Variants in SDK2 observed in about 807,000 individuals in gnomAD.
SDK2 encodes protein sidekick-2.
SDK2 carries 105 observed loss-of-function variants against 253.9 expected under a neutral mutation model. The ratio of observed to expected loss-of-function variants is 0.41; its 90% CI spans 0.35 to 0.49. The LOEUF (loss-of-function observed/expected upper bound fraction) is 0.49, where lower values mean the gene tolerates loss of function less well. SDK2 is among the 20% of genes least tolerant of loss of function. The pLI is 0.06. For synonymous variants in SDK2, 1,249 were observed against 1,234.9 expected, an observed-to-expected ratio of 1.01 and a Z score of -0.24; for missense variants, 2,608 against 3,003.0, an observed-to-expected ratio of 0.87 and a Z score of 3.07.
chr17:73,372,878 C>A (rs1333768642), intron 36 of SDK2, among the ~76,000 whole-genome samples: 1 of 152,198 alleles, frequency 6.6e-6, no homozygotes, highest in African/African-American at 2.4e-5. Flanking sequence ...TTAACATGTT[C>A]ATCATCTTTT....
intron 1 of SDK2, among the ~76,000 whole-genome samples, chr17:73,524,182 C>T (rs894570930): frequency 1.3e-5 from 2 of 152,148 alleles, no homozygotes; most frequent in Non-Finnish European, 2.9e-5. Flanking sequence ...GGCCTGAGCT[C>T]AGCTAATGGT....
rs2063980864 is a variant in SDK2, at chr17:73,511,573, G to A, written c.65-3976C>T. ...GAGGGAAGGGGAGGCCTTTCCCTGA[G>A]AGCCTGCTGGGTACCAGGCCCTGGG... is the stretch of plus-strand genomic sequence containing the variant. On this transcript the variant is annotated intron_variant, in intron 1 of 44. Coordinates refer to ENST00000392650, the MANE Select transcript of SDK2 (RefSeq NM_001144952.2). This position sits in a 1 kb window ranked among gnomAD's most constrained non-coding sequence, Gnocchi z 4.9. Among the ~76,000 whole-genome samples, 2 of 152,154 alleles carry A rather than the reference G, an allele frequency of 1.3e-5. No homozygotes were observed. Among genetic ancestry groups the A allele is most frequent in the Non-Finnish European group, 2.9e-5 (2 of 68,026 alleles).
At chr17:73,620,488 A>G (rs982813666) in intron 1 of SDK2, among the ~76,000 whole-genome samples, 2 of 152,370 alleles carry the variant, frequency 1.3e-5, no homozygotes, top group South Asian at 2.1e-4. Flanking sequence ...AAAGTTAAAC[A>G]TAGAATTACC....
chr17:73,437,835 G>A lies in SDK2; in HGVS notation c.917-13C>T. On this transcript the variant is annotated splice_polypyrimidine_tract_variant and intron_variant, in intron 7 of 44. Transcript: ENST00000392650. ...AACTGAGGCGGTTCTGCAGGAGGAAGGACCAGGGGAGGGGGTCAGAGCCAT... is the reference window on the plus strand; with the variant it reads ...AACTGAGGCGGTTCTGCAGGAGGAAAGACCAGGGGAGGGGGTCAGAGCCAT... 1 of 1,613,694 alleles carries A rather than the reference G, an allele frequency of 6.2e-7. No homozygotes were observed. Among genetic ancestry groups the A allele is most frequent in the Non-Finnish European group, 8.5e-7 (1 of 1,179,612 alleles).
At chr17:73,584,010 CTT>C (rs1193068337) in intron 1 of SDK2, among the ~76,000 whole-genome samples, 1 of 152,224 alleles carries the variant, frequency 6.6e-6, no homozygotes, top group African/African-American at 2.4e-5. Context: ...GCAGAGGAAA[CTT>C]GGGGTTGTGG....
At chr17:73,567,480 G>A (rs1599685242) in intron 1 of SDK2, among the ~76,000 whole-genome samples, 1 of 152,252 alleles carries the variant, frequency 6.6e-6, no homozygotes, top group Non-Finnish European at 1.5e-5. Context: ...GGTCCTCACC[G>A]GGACACTGCC....
intron 40 of SDK2, among the ~76,000 whole-genome samples, chr17:73,354,336 C>T (rs1038377239): frequency 3.9e-5 from 6 of 152,158 alleles, no homozygotes; most frequent in Non-Finnish European, 7.3e-5. Context: ...GCCTTGCCCT[C>T]GTGGGACATA....
In SDK2 at chr17:73,447,776, C is replaced by T; in HGVS notation, c.480-28G>A. ...GGGAAGAGGAAAAGGATTCCTCTGA[C>T]AGGGGCCTAAGGGGCTCTGAACCTC... On this transcript the variant is annotated intron_variant, in intron 4 of 44. Coordinates refer to ENST00000392650, the MANE Select transcript of SDK2 (RefSeq NM_001144952.2). The surrounding 1 kb of genome is among the most constrained non-coding windows in gnomAD (Gnocchi z 4.0). 1 of 1,551,496 alleles carries T rather than the reference C, an allele frequency of 6.4e-7. No homozygotes were observed. The highest frequency in any genetic ancestry group is 8.7e-7 in the Non-Finnish European group (1 of 1,146,892).
chr17:73,398,378 T>A lies in SDK2; in HGVS notation c.3145A>T (p.Asn1049Tyr), dbSNP rs530679709. 6.2e-7 allele frequency: 1 copy of A among 1,613,934 alleles called. No individual in the cohort carries two copies. Among genetic ancestry groups the A allele is most frequent in the Admixed American group, 1.7e-5 (1 of 60,026 alleles). The change falls in exon 23 of 45, where the codon AAT becomes TAT. Residue 1049 changes from asparagine (N) to tyrosine (Y), a missense_variant. By Grantham distance (143) the Asn-to-Tyr change is moderately radical. Transcript: ENST00000392650. The part of the protein sequence containing the change: ...EEWLLIHQLS[N>Y]EPDARSMEVP... Reference sequence around the variant, plus strand: ...TCCATGGAGCGGGCATCGGGCTCATTGGAGAGCTGGTGGATCAGCAACCAC... The same window carrying A: ...TCCATGGAGCGGGCATCGGGCTCATAGGAGAGCTGGTGGATCAGCAACCAC...
intron 16 of SDK2, among the ~76,000 whole-genome samples, chr17:73,416,917 GA>G (rs2063187195): frequency 6.6e-6 from 1 of 152,052 alleles, no homozygotes; most frequent in Admixed American, 6.6e-5. Flanking sequence ...AAACATATCA[GA>G]AAAAGTTTTA....
Position 73,355,159 on chromosome 17 carries a change from C to CATATATATATATATATATATATATATAT in SDK2, c.5594-2523_5594-2522insATATATATATATATATATATATATATAT, listed in dbSNP as rs1555750469. Among the ~76,000 whole-genome samples the CATATATATATATATATATATATATATAT allele has an allele frequency of 4.6e-3, 220 of 47,504 alleles. 49 individuals are homozygous for CATATATATATATATATATATATATATAT. Among genetic ancestry groups the CATATATATATATATATATATATATATAT allele is most frequent in the Non-Finnish European group, 6.0e-3 (179 of 29,704 alleles). 31.2% of individuals were successfully genotyped at this position (47,504 alleles called of 152,430 possible). On this transcript the variant is annotated intron_variant, in intron 40 of 44. Coordinates refer to ENST00000392650, the MANE Select transcript of SDK2 (RefSeq NM_001144952.2). ...TTTGAGCCTCTGCCTCCTACACCTC[C>CATATATATATATATATATATATATATAT]ATATATATATATATATTTTTTTTTT...
chr17:73,595,273 G>A (rs567239497), intron 1 of SDK2, among the ~76,000 whole-genome samples: 67 of 152,238 alleles, frequency 4.4e-4, no homozygotes, highest in African/African-American at 1.4e-3. Flanking sequence ...GGGGGAGAGC[G>A]TGGCCCTGTG....
intron 44 of SDK2, among the ~76,000 whole-genome samples, chr17:73,339,234 TG>T (rs1356765554): frequency 0.011 from 1,490 of 140,356 alleles, 36 homozygotes; most frequent in African/African-American, 0.033. Flanking sequence ...TTTTTGTTTT[TG>T]TTTTTTTTTT....
At chr17:73,567,413 C>T (rs2045327590) in intron 1 of SDK2, among the ~76,000 whole-genome samples, 1 of 150,740 alleles carries the variant, frequency 6.6e-6, no homozygotes, top group African/African-American at 2.5e-5. Flanking sequence ...GGAGCCCCCA[C>T]AGAAGGCCTC....
chr17:73,358,837 G>A (rs1023129679), intron 39 of SDK2, among the ~76,000 whole-genome samples: 2 of 152,138 alleles, frequency 1.3e-5, no homozygotes, highest in African/African-American at 4.8e-5. Flanking sequence ...GTGCTGCTAG[G>A]AGGAGGGAGG....
rs1454028828 is a variant in SDK2 at position 73,387,023 on chromosome 17, C to T, written c.4395-475G>A. On this transcript the variant is annotated intron_variant, in intron 30 of 44. Coordinates refer to ENST00000392650, the MANE Select transcript of SDK2 (RefSeq NM_001144952.2). ...TTGCCCAGGCTGGAGTGCAGTGGTGCGATCTTGGCTCACTGCAACCTCCGC... is the reference window on the plus strand; with the variant it reads ...TTGCCCAGGCTGGAGTGCAGTGGTGTGATCTTGGCTCACTGCAACCTCCGC... 5.9e-5 allele frequency among the ~76,000 whole-genome samples: 9 copies of T among 152,122 alleles called. No homozygotes were observed. The East Asian group carries it at 7.7e-4, about 13-fold the overall frequency.
chr17:73,632,919 A>G (rs1426217869), intron 1 of SDK2, among the ~76,000 whole-genome samples: 1 of 152,164 alleles, frequency 6.6e-6, no homozygotes, highest in Non-Finnish European at 1.5e-5. Flanking sequence ...ACCAGCTTTA[A>G]CATATCCTTT....
At chr17:73,393,808 T>C (rs1214941726) in intron 26 of SDK2, 59 bp from the exon 27 acceptor site, 2 of 1,353,088 alleles carry the variant, frequency 1.5e-6, no homozygotes, top group South Asian at 1.7e-5. Flanking sequence ...ATCTACACTT[T>C]TCCCGAGTCT....
At position 73,643,927 on chromosome 17, in the gene SDK2, G is replaced by A. The variant is rs2046429754; in HGVS notation, c.64+98C>T. 1 of 1,071,676 alleles carries A rather than the reference G, an allele frequency of 9.3e-7. No individual in the cohort carries two copies. The highest frequency in any genetic ancestry group is 1.6e-5 in the African/African-American group (1 of 64,154). The allele number at this position is 1,071,676 out of a possible 1,614,324, so 66.4% of individuals were successfully genotyped here. A position where few individuals can be genotyped will look rare whatever the true frequency, so the allele number is the denominator to read the frequency against. ...GGGCTCTGCCACGGCTAAGCCGGGTGTCCAGGAGGTCACCGTGAGGCCGGC... is the reference window on the plus strand; with the variant it reads ...GGGCTCTGCCACGGCTAAGCCGGGTATCCAGGAGGTCACCGTGAGGCCGGC... On this transcript the variant is annotated intron_variant, in intron 1 of 44. Transcript: ENST00000392650. The surrounding 1 kb of genome is among the most constrained non-coding windows in gnomAD (Gnocchi z 6.9).
Sources: gnomAD v4.1 joint callset for allele counts (sites outside exome capture counted in the v4.1 genomes callset) on GRCh38, gnomAD v4.1.1 for gene constraint, Gnocchi (gnomAD v3.1) non-coding constraint, MANE v1.5 for transcripts, NCBI Gene and HGNC (gene_info 2026-07-23, HGNC 2026-07-21) for gene names.